CELF2: variants seen among roughly 807,000 people sequenced by gnomAD.
CELF2 encodes CUGBP Elav-like family member 2, also known as CUG triplet repeat RNA-binding protein 2.
Under a neutral mutation model 62.6 loss-of-function variants are expected in CELF2, and 8 were observed. The observed-to-expected ratio is 0.13, with a 90% CI of 0.07 to 0.23. CELF2 has a LOEUF of 0.23. CELF2 is among the 10% of genes least tolerant of loss of function. The pLI is 1.00. For missense variants in CELF2, 333 were observed against 671.0 expected (o/e 0.50, Z 5.56); for synonymous variants, 258 against 250.0 (o/e 1.03, Z -0.30).
At chr10:10,768,108 A>T in the CELF2 span, among the ~76,000 whole-genome samples, 319 of 147,792 alleles carry the variant, frequency 2.2e-3, 1 homozygote, top group Admixed American at 2.7e-3. Flanking sequence ...GGAGCTTGCC[A>T]TGAGCTGAGA....
intron 1 of CELF2, among the ~76,000 whole-genome samples, chr10:11,052,378 A>C (rs2064122898): frequency 1.3e-5 from 2 of 152,188 alleles, no homozygotes; most frequent in African/African-American, 4.8e-5. Context: ...AGTTACTATG[A>C]TTAAACCTTG....
chr10:11,215,578 G>A (rs943366222), intron 2 of CELF2, among the ~76,000 whole-genome samples: 4 of 136,372 alleles, frequency 2.9e-5, no homozygotes, highest in Non-Finnish European at 6.2e-5. Context: ...CTGCCTGAAA[G>A]TATCAGATTC....
chr10:10,869,167 A>G (rs1400703942), intron 1 of CELF2, among the ~76,000 whole-genome samples: 1 of 152,212 alleles, frequency 6.6e-6, no homozygotes, highest in Non-Finnish European at 1.5e-5. Context: ...TAGGTCTAAA[A>G]AAAAGTCTTG....
chr10:11,122,953 G>A (rs373002582), intron 1 of CELF2, among the ~76,000 whole-genome samples: 2 of 152,182 alleles, frequency 1.3e-5, no homozygotes, highest in African/African-American at 4.8e-5. Context: ...GCATCTCTCC[G>A]AAGGGCTAGT....
At chr10:10,669,615 G>T in the CELF2 span, among the ~76,000 whole-genome samples, 2 of 152,190 alleles carry the variant, frequency 1.3e-5, no homozygotes, top group Non-Finnish European at 2.9e-5. Flanking sequence ...TGCATAAGGG[G>T]ATAAAAGCCT....
chr10:10,498,386 G>A, the CELF2 span, among the ~76,000 whole-genome samples: 4 of 152,186 alleles, frequency 2.6e-5, no homozygotes, highest in South Asian at 2.1e-4. Context: ...AAAACCTGCC[G>A]AATGGCTAAC....
At chr10:11,083,329 T>C (rs2074532130) in intron 1 of CELF2, among the ~76,000 whole-genome samples, 1 of 152,208 alleles carries the variant, frequency 6.6e-6, no homozygotes, top group Non-Finnish European at 1.5e-5. Flanking sequence ...TTTCAGCTTC[T>C]TGACTGCTCT....
intron 5 of CELF2, among the ~76,000 whole-genome samples, chr10:11,262,940 C>CTTTTTTTATTTTTTTTTTT (rs2081124065): frequency 1.9e-5 from 1 of 52,766 alleles, no homozygotes; most frequent in South Asian, 1.2e-3. Context: ...AGTGGCTTTA[C>CTTTTTTTATTTTTTTTTTT]TTTTTTTTTT....
intron 8 of CELF2, among the ~76,000 whole-genome samples, chr10:11,278,139 C>T (rs2139053853): frequency 6.6e-6 from 1 of 152,308 alleles, no homozygotes; most frequent in South Asian, 2.1e-4. Flanking sequence ...TTTTAGACGA[C>T]TGGATCCTAA....
chr10:11,282,564 G>A (rs1310503954), intron 8 of CELF2, among the ~76,000 whole-genome samples: 1 of 152,238 alleles, frequency 6.6e-6, no homozygotes, highest in Non-Finnish European at 1.5e-5. Context: ...CAGTATTATT[G>A]CAGTTATTAG....
chr10:11,100,869 C>T (rs2051404771), intron 1 of CELF2, among the ~76,000 whole-genome samples: 1 of 152,188 alleles, frequency 6.6e-6, no homozygotes, highest in Admixed American at 6.5e-5. Context: ...TTCTTCTCTT[C>T]TGTGAATTGG....
intron 2 of CELF2, among the ~76,000 whole-genome samples, chr10:10,952,986 T>C (rs2048487437): frequency 6.6e-6 from 1 of 152,180 alleles, no homozygotes; most frequent in South Asian, 2.1e-4. Flanking sequence ...GTGAGTTGGT[T>C]CAGATGTCTC....
chr10:10,678,648 AAGG>A, the CELF2 span, among the ~76,000 whole-genome samples: 1 of 152,306 alleles, frequency 6.6e-6, no homozygotes, highest in East Asian at 1.9e-4. Context: ...TCTGTGAGTG[AAGG>A]AGATTGACTG....
chr10:10,501,939 C>T, the CELF2 span, among the ~76,000 whole-genome samples: 4,874 of 152,102 alleles, frequency 0.032, 148 homozygotes, highest in East Asian at 0.076. Context: ...AAAGAAGTTG[C>T]CCCCTATTCC....
chr10:10,705,342 T>A, the CELF2 span, among the ~76,000 whole-genome samples: 5 of 139,228 alleles, frequency 3.6e-5, no homozygotes, highest in Middle Eastern at 0.016. Flanking sequence ...CCCCTCTCTC[T>A]CAGAAGTCAG....
the CELF2 span, among the ~76,000 whole-genome samples, chr10:10,587,136 A>G: frequency 1.3e-5 from 2 of 152,278 alleles, no homozygotes; most frequent in Admixed American, 6.5e-5. Flanking sequence ...CTATTTGGTG[A>G]AGGGAGAGAA....
intron 1 of CELF2, among the ~76,000 whole-genome samples, chr10:11,120,956 C>T (rs2057622491): frequency 1.3e-5 from 2 of 152,288 alleles, no homozygotes; most frequent in South Asian, 4.1e-4. Context: ...TTAAGCGCGT[C>T]CATTTGCAGA....
intron 1 of CELF2, among the ~76,000 whole-genome samples, chr10:10,824,449 C>T (rs1463888230): frequency 6.6e-6 from 1 of 152,170 alleles, no homozygotes; most frequent in East Asian, 1.9e-4. Context: ...TCAACCAAGA[C>T]TCTGCAGAGA....
chr10:10,482,416 T>C, the CELF2 span, among the ~76,000 whole-genome samples: 2 of 152,226 alleles, frequency 1.3e-5, no homozygotes, highest in Non-Finnish European at 2.9e-5. Context: ...CTAATGTTAA[T>C]AGGAGTTGGC....
Sources: gnomAD v4.1 joint callset for allele counts (sites outside exome capture counted in the v4.1 genomes callset) on GRCh38, gnomAD v4.1.1 for gene constraint, MANE v1.5 for transcripts, NCBI Gene and HGNC (gene_info 2026-07-23, HGNC 2026-07-21) for gene names.